CRPPA: variants seen among roughly 807,000 people sequenced by gnomAD.
The protein encoded by CRPPA is CDP-L-ribitol pyrophosphorylase A, also known as D-ribitol-5-phosphate cytidylyltransferase.
Under a neutral mutation model 52.0 loss-of-function variants are expected in CRPPA, and 43 were observed. The ratio of observed to expected loss-of-function variants is 0.83; its 90% confidence interval spans 0.65 to 1.07. CRPPA has a LOEUF of 1.07. CRPPA is among the 50% of genes least tolerant of loss of function. The pLI is 0.00. For synonymous variants in CRPPA, 250 were observed against 203.5 expected (o/e 1.23, Z -1.94); for missense variants, 629 against 551.7 (o/e 1.14, Z -1.40).
intron 3 of CRPPA, among the ~76,000 whole-genome samples, chr7:16,320,842 G>C (rs957241754): frequency 2.0e-5 from 3 of 152,108 alleles, no homozygotes; most frequent in Non-Finnish European, 2.9e-5. Context: ...AAGCAGCTTT[G>C]TTCTCATATC....
intron 8 of CRPPA, among the ~76,000 whole-genome samples, chr7:16,222,575 A>T (rs1250196322): frequency 6.6e-6 from 1 of 152,196 alleles, no homozygotes; most frequent in African/African-American, 2.4e-5. Flanking sequence ...GTGAGATAGA[A>T]ATACAGTATT....
intron 3 of CRPPA, among the ~76,000 whole-genome samples, chr7:16,325,412 T>A (rs143077387): frequency 6.6e-6 from 1 of 152,180 alleles, no homozygotes; most frequent in East Asian, 1.9e-4. Context: ...TTGCCAATTA[T>A]ATTTTTCCAA....
intron 8 of CRPPA, among the ~76,000 whole-genome samples, chr7:16,231,209 C>T (rs891067766): frequency 6.6e-6 from 1 of 152,162 alleles, no homozygotes; most frequent in Non-Finnish European, 1.5e-5. Context: ...AGGTAACAAA[C>T]TGTCCTTCCT....
intron 1 of CRPPA, among the ~76,000 whole-genome samples, chr7:16,414,642 T>C (rs189523651): frequency 3.3e-5 from 5 of 152,362 alleles, no homozygotes; most frequent in African/African-American, 1.2e-4. Flanking sequence ...CACAAAGCGA[T>C]AGTTATCTAA....
At chr7:16,149,357 A>T (rs1394524853) in intron 9 of CRPPA, among the ~76,000 whole-genome samples, 1 of 152,208 alleles carries the variant, frequency 6.6e-6, no homozygotes, top group African/African-American at 2.4e-5. Flanking sequence ...CTGCCACTGC[A>T]TGGAAAGACA....
At chr7:16,226,771 A>G (rs1782662962) in intron 8 of CRPPA, among the ~76,000 whole-genome samples, 1 of 151,966 alleles carries the variant, frequency 6.6e-6, no homozygotes, top group Non-Finnish European at 1.5e-5. Context: ...CTAAATCTAT[A>G]CAATATACAT....
At chr7:16,401,553 G>C (rs1375572373) in intron 2 of CRPPA, among the ~76,000 whole-genome samples, 6 of 152,126 alleles carry the variant, frequency 3.9e-5, no homozygotes, top group Non-Finnish European at 8.8e-5. Context: ...CTTCCACCAG[G>C]AGCAATACTT....
At chr7:16,300,549 C>T (rs931760436) in intron 5 of CRPPA, among the ~76,000 whole-genome samples, 10 of 152,082 alleles carry the variant, frequency 6.6e-5, no homozygotes, top group African/African-American at 2.2e-4. Flanking sequence ...GTTTTTATCC[C>T]TAGGGAACAT....
In CRPPA at chr7:16,361,795, C is replaced by T. The variant is rs545762175; in HGVS notation, c.684+14297G>A. On this transcript the variant is annotated intron_variant, in intron 3 of 9. Coordinates refer to ENST00000407010, the MANE Select transcript of CRPPA (RefSeq NM_001101426.4). ...TGTGAATGTACTTAATGTCACTGAA[C>T]CACACGCTTAATAATTAAAATCGTA... 3.9e-5 allele frequency among the ~76,000 whole-genome samples: 6 copies of T among 152,270 alleles called. No homozygotes were observed. In the South Asian group the frequency reaches 1.2e-3, roughly 32 times the overall value.
intron 8 of CRPPA, among the ~76,000 whole-genome samples, chr7:16,219,198 T>C (rs1414777728): frequency 6.6e-6 from 1 of 151,820 alleles, no homozygotes; most frequent in Non-Finnish European, 1.5e-5. Flanking sequence ...GACTACTGGA[T>C]ACATAACGAA....
chr7:16,126,384 G>T (rs557428274), intron 9 of CRPPA, among the ~76,000 whole-genome samples: 2 of 152,214 alleles, frequency 1.3e-5, no homozygotes, highest in East Asian at 3.9e-4. Flanking sequence ...AGGCCCAAAT[G>T]TCTCACATGT....
chr7:16,113,128 G>C lies in CRPPA; in HGVS notation c.1252-21329C>G, dbSNP rs117024112. 8.1e-3 allele frequency among the ~76,000 whole-genome samples: 1,230 copies of C among 151,902 alleles called. 5 individuals are homozygous for C. The highest frequency in any genetic ancestry group is 0.012 in the Non-Finnish European group (827 of 67,888). On this transcript the variant is annotated intron_variant, in intron 9 of 9. Transcript: ENST00000407010. ...GTCTTGAAACATAAAATAACAAACA[G>C]AAATGAGACCTGAAATACAAAAGAC...
At chr7:16,412,229 G>A (rs934430319) in intron 1 of CRPPA, among the ~76,000 whole-genome samples, 2 of 152,180 alleles carry the variant, frequency 1.3e-5, no homozygotes, top group East Asian at 1.9e-4. Context: ...TGCCAATTTC[G>A]GGTCCCATTA....
chr7:16,116,895 G>A (rs1782386746), intron 9 of CRPPA, among the ~76,000 whole-genome samples: 1 of 152,104 alleles, frequency 6.6e-6, no homozygotes, highest in Non-Finnish European at 1.5e-5. Context: ...CACCTGACAG[G>A]GACTCCGCCC....
rs751566030 is a variant in CRPPA, at chr7:16,258,491, C to A, written c.1027-9G>T. ...AAATCAGAGGTTGTAACCTAAAAGA[C>A]CAGAAAAATAAAAGGATATGAGAAG... On this transcript the variant is annotated splice_polypyrimidine_tract_variant and intron_variant, in intron 7 of 9. Coordinates refer to ENST00000407010, the MANE Select transcript of CRPPA (RefSeq NM_001101426.4). 5 of 1,554,794 alleles carry A rather than the reference C, an allele frequency of 3.2e-6. No individual in the cohort carries two copies. The highest frequency in any genetic ancestry group is 2.4e-5 in the South Asian group (2 of 84,246).
intron 9 of CRPPA, among the ~76,000 whole-genome samples, chr7:16,125,726 T>G (rs1456950195): frequency 2.6e-5 from 4 of 152,274 alleles, no homozygotes; most frequent in African/African-American, 9.6e-5. Flanking sequence ...GAGTTCAAAA[T>G]TTATCAAAAG....
chr7:16,218,230 C>A (rs1277710121), intron 8 of CRPPA, among the ~76,000 whole-genome samples: 1 of 137,962 alleles, frequency 7.2e-6, no homozygotes, highest in East Asian at 2.1e-4. Flanking sequence ...ACTTTACAGA[C>A]AAGCAAATGC....
intron 3 of CRPPA, among the ~76,000 whole-genome samples, chr7:16,363,638 T>G (rs1189801416): frequency 6.6e-6 from 1 of 152,160 alleles, no homozygotes; most frequent in East Asian, 1.9e-4. Flanking sequence ...AAAACCTGCA[T>G]CAAGCATTAT....
chr7:16,389,928 A>AAAATATATAT, intron 2 of CRPPA, among the ~76,000 whole-genome samples: 4 of 29,760 alleles, frequency 1.3e-4, no homozygotes, highest in African/African-American at 5.2e-4. Context: ...AAAAAAAAAA[A>AAAATATATAT]ATATATATAT....
Sources: gnomAD v4.1 joint callset for allele counts (sites outside exome capture counted in the v4.1 genomes callset) on GRCh38, gnomAD v4.1.1 for gene constraint, MANE v1.5 for transcripts, NCBI Gene and HGNC (gene_info 2026-07-23, HGNC 2026-07-21) for gene names.